The following COL25A1 variants were observed in gnomAD, a reference collection of about 807,000 sequenced individuals.
The protein encoded by COL25A1 is collagen type XXV alpha 1 chain.
In COL25A1, 103 loss-of-function variants were observed where a neutral mutation model predicts 128.4. The observed-to-expected ratio is 0.80, with a 90% CI of 0.68 to 0.94. The LOEUF (loss-of-function observed/expected upper bound fraction) is 0.94. COL25A1 is among the 40% of genes least tolerant of loss of function. The probability of loss-of-function intolerance (pLI) is 0.00; values close to 1 mark genes in which losing one functional copy is unlikely to be tolerated. For synonymous variants in COL25A1, 279 were observed against 277.2 expected (o/e 1.01, Z -0.06); for missense variants, 745 against 840.0 (o/e 0.89, Z 1.40).
At chr4:109,229,075 A>G (rs1392959196) in intron 3 of COL25A1, among the ~76,000 whole-genome samples, 1 of 152,248 alleles carries the variant, frequency 6.6e-6, no homozygotes, top group East Asian at 1.9e-4. Flanking sequence ...AGACATTTTA[A>G]TATCTTAAAG....
chr4:108,837,802 A>G (rs908341520), intron 31 of COL25A1, among the ~76,000 whole-genome samples: 2 of 152,236 alleles, frequency 1.3e-5, no homozygotes, highest in African/African-American at 4.8e-5. Flanking sequence ...TGAGCACAAC[A>G]CTTTTAAAAG....
chr4:109,110,677 C>T (rs1477308362), intron 3 of COL25A1, among the ~76,000 whole-genome samples: 2 of 152,106 alleles, frequency 1.3e-5, no homozygotes, highest in East Asian at 1.9e-4. Context: ...TCCTGCTCCT[C>T]CTTTTCCTGC....
chr4:109,070,609 C>A (rs557454096), intron 3 of COL25A1, among the ~76,000 whole-genome samples: 119 of 152,018 alleles, frequency 7.8e-4, no homozygotes, highest in South Asian at 2.9e-3. Flanking sequence ...CATATGTATA[C>A]ATGTGCCATG....
At chr4:108,879,524 T>C (rs1739862652) in intron 19 of COL25A1, among the ~76,000 whole-genome samples, 1 of 152,188 alleles carries the variant, frequency 6.6e-6, no homozygotes, top group Non-Finnish European at 1.5e-5. Context: ...CCCGGCTCAC[T>C]GCAGCCTCCA....
At chr4:109,195,656 T>C (rs1274489791) in intron 3 of COL25A1, among the ~76,000 whole-genome samples, 1 of 152,078 alleles carries the variant, frequency 6.6e-6, no homozygotes, top group Non-Finnish European at 1.5e-5. Context: ...CCTAAGACCT[T>C]ACTAAAATGT....
chr4:109,000,582 C>T (rs1755248009), intron 6 of COL25A1, among the ~76,000 whole-genome samples: 1 of 151,592 alleles, frequency 6.6e-6, no homozygotes, highest in Admixed American at 6.6e-5. Flanking sequence ...CCCATCTCTA[C>T]TAAAGATACA....
chr4:109,235,927 G>C (rs1400820062), intron 3 of COL25A1, among the ~76,000 whole-genome samples: 1 of 151,832 alleles, frequency 6.6e-6, no homozygotes, highest in Non-Finnish European at 1.5e-5. Flanking sequence ...GCTCTAGGTG[G>C]AATCTCCCTG....
chr4:109,283,825 C>T (rs568980575), intron 3 of COL25A1, among the ~76,000 whole-genome samples: 1 of 152,162 alleles, frequency 6.6e-6, no homozygotes, highest in African/African-American at 2.4e-5. Context: ...CTTTACTAAC[C>T]TTAGACTATC....
chr4:109,218,005 C>T (rs1341610101), intron 3 of COL25A1, among the ~76,000 whole-genome samples: 1 of 152,122 alleles, frequency 6.6e-6, no homozygotes, highest in Non-Finnish European at 1.5e-5. Flanking sequence ...AGTAGTGGAG[C>T]CAGGTTTGTG....
chr4:108,996,773 T>C (rs907896996), intron 6 of COL25A1, among the ~76,000 whole-genome samples: 5 of 152,168 alleles, frequency 3.3e-5, no homozygotes, highest in African/African-American at 4.8e-5. Context: ...CACAACAAGC[T>C]GTCTCTCAGA....
intron 3 of COL25A1, among the ~76,000 whole-genome samples, chr4:109,159,522 C>T (rs1381423683): frequency 6.6e-6 from 1 of 152,148 alleles, no homozygotes; most frequent in Non-Finnish European, 1.5e-5. Context: ...TCTTTGCCTC[C>T]CCAGCACTGG....
At chr4:109,217,428 G>A (rs574923376) in intron 3 of COL25A1, among the ~76,000 whole-genome samples, 1 of 152,088 alleles carries the variant, frequency 6.6e-6, no homozygotes, top group South Asian at 2.1e-4. Context: ...CTATGTGTTA[G>A]ACATATTTAT....
In COL25A1 at chr4:109,276,950, G is replaced by A. The variant is rs139828176; in HGVS notation, c.367+23633C>T. 5.9e-5 allele frequency among the ~76,000 whole-genome samples: 9 copies of A among 152,182 alleles called. No individual in the cohort carries two copies. In the East Asian group the frequency reaches 1.5e-3, roughly 26 times the overall value. ...CTACCACCAACCACTTCTAGCTCTTGTCCTTTGCAAGCTAAATGTTTCCAT... is the reference window on the plus strand; with the variant it reads ...CTACCACCAACCACTTCTAGCTCTTATCCTTTGCAAGCTAAATGTTTCCAT... On this transcript the variant is annotated intron_variant, in intron 3 of 37. Coordinates refer to ENST00000399132, the MANE Select transcript of COL25A1 (RefSeq NM_198721.4).
intron 33 of COL25A1, among the ~76,000 whole-genome samples, 158 bp from the exon 34 acceptor site, chr4:108,825,380 CA>C (rs1732248809): frequency 6.6e-6 from 1 of 151,924 alleles, no homozygotes; most frequent in Non-Finnish European, 1.5e-5. Context: ...GTTAGTGTTG[CA>C]GTTAAGGGTC....
chr4:109,204,938 G>A (rs544531065), intron 3 of COL25A1, among the ~76,000 whole-genome samples: 2 of 152,120 alleles, frequency 1.3e-5, no homozygotes, highest in Non-Finnish European at 2.9e-5. Context: ...GTACTATAGA[G>A]TAGATAAGTA....
intron 6 of COL25A1, among the ~76,000 whole-genome samples, chr4:108,997,433 G>A (rs1361691400): frequency 6.6e-6 from 1 of 152,134 alleles, no homozygotes; most frequent in Non-Finnish European, 1.5e-5. Context: ...GGAAGAAGCT[G>A]AATCTCTGAA....
chr4:109,027,092 A>G, intron 5 of COL25A1, among the ~76,000 whole-genome samples: 1 of 152,220 alleles, frequency 6.6e-6, no homozygotes, highest in Non-Finnish European at 1.5e-5. Flanking sequence ...TTCAGGTACT[A>G]GGACTATAAT....
intron 3 of COL25A1, among the ~76,000 whole-genome samples, chr4:109,211,225 TG>T: frequency 9.9e-6 from 1 of 100,904 alleles, no homozygotes; most frequent in African/African-American, 6.8e-5. Context: ...ATATATATTG[TG>T]TGTGTGTATG....
At chr4:109,167,498 T>C (rs1773184422) in intron 3 of COL25A1, among the ~76,000 whole-genome samples, 2 of 152,176 alleles carry the variant, frequency 1.3e-5, no homozygotes, top group African/African-American at 4.8e-5. Context: ...GGCATTGTTC[T>C]TAAAATGTAT....
Sources: gnomAD v4.1 joint callset for allele counts (sites outside exome capture counted in the v4.1 genomes callset) on GRCh38, gnomAD v4.1.1 for gene constraint, MANE v1.5 for transcripts, NCBI Gene and HGNC (gene_info 2026-07-23, HGNC 2026-07-21) for gene names.